The following GABRB3 variants were observed in gnomAD, a reference collection of about 807,000 sequenced individuals.
GABRB3 encodes the protein gamma-aminobutyric acid type A receptor subunit beta3.
A neutral mutation model predicts 52.1 loss-of-function variants in GABRB3; 14 were observed. The observed-to-expected ratio is 0.27, with a 90% CI of 0.18 to 0.42. The LOEUF (loss-of-function observed/expected upper bound fraction) is 0.42. Among genes scored for constraint, GABRB3 ranks in the 10% least tolerant of loss-of-function variants. The probability of loss-of-function intolerance (pLI) is 1.00; values close to 1 mark genes in which losing one functional copy is unlikely to be tolerated. For synonymous variants in GABRB3, 260 were observed against 232.3 expected (o/e 1.12, Z -1.08); for missense variants, 307 against 609.1 (o/e 0.50, Z 5.22).
chr15:26,671,506 G>A (rs749616313), intron 3 of GABRB3, among the ~76,000 whole-genome samples: 16 of 152,190 alleles, frequency 1.1e-4, no homozygotes, highest in African/African-American at 2.2e-4. Context: ...AGAATCTCTG[G>A]GTGAGGGCTT....
At chr15:26,677,965 T>C (rs910044434) in intron 3 of GABRB3, among the ~76,000 whole-genome samples, 1 of 152,198 alleles carries the variant, frequency 6.6e-6, no homozygotes, top group Admixed American at 6.5e-5. Context: ...ATTTTCCAAT[T>C]AGGCACTGGG....
intron 3 of GABRB3, among the ~76,000 whole-genome samples, chr15:26,729,046 T>A (rs929860142): frequency 6.6e-6 from 1 of 152,212 alleles, no homozygotes; most frequent in Non-Finnish European, 1.5e-5. Context: ...TAGTAACTTA[T>A]AAGAAAGATA....
At chr15:26,773,715 C>T, upstream of GABRB3, 1 of 1,568,658 alleles carries the variant, frequency 6.4e-7, no homozygotes, top group Non-Finnish European at 8.6e-7. Context: ...TCCAGGAGCC[C>T]GGAGCACATG....
chr15:26,666,933 G>A (rs1205793357), intron 3 of GABRB3, among the ~76,000 whole-genome samples: 1 of 152,092 alleles, frequency 6.6e-6, no homozygotes, highest in African/African-American at 2.4e-5. Context: ...ACTCATCTCT[G>A]CCTTCTTCCA....
At chr15:26,659,219 T>C (rs1430322657) in intron 3 of GABRB3, among the ~76,000 whole-genome samples, 3 of 152,192 alleles carry the variant, frequency 2.0e-5, no homozygotes, top group Admixed American at 6.5e-5. Flanking sequence ...ATGAAACCAA[T>C]AATTTATCTA....
intron 4 of GABRB3, among the ~76,000 whole-genome samples, chr15:26,608,363 A>C (rs1891922010): frequency 6.6e-6 from 1 of 152,046 alleles, no homozygotes; most frequent in Non-Finnish European, 1.5e-5. Flanking sequence ...ACTAAAAGAA[A>C]ACATAGGGGG....
At chr15:26,770,256 T>C (rs1362623837) in intron 3 of GABRB3, among the ~76,000 whole-genome samples, 1 of 152,180 alleles carries the variant, frequency 6.6e-6, no homozygotes, top group African/African-American at 2.4e-5. Flanking sequence ...CCTACTGGGA[T>C]CCTCAATATT....
chr15:26,571,602 T>C (rs1890399183), intron 6 of GABRB3, among the ~76,000 whole-genome samples: 2 of 152,146 alleles, frequency 1.3e-5, no homozygotes, highest in Non-Finnish European at 2.9e-5. Context: ...CACTATTGAC[T>C]GCCATGACTG....
intron 3 of GABRB3, among the ~76,000 whole-genome samples, chr15:26,756,134 T>C (rs561090106): frequency 3.9e-4 from 59 of 152,282 alleles, no homozygotes; most frequent in Middle Eastern, 6.8e-3. Context: ...TCACATATTA[T>C]AAAATTTTCT....
chr15:26,624,768 C>T (rs978533704), intron 3 of GABRB3: 20 of 985,390 alleles, frequency 2.0e-5, no homozygotes, highest in Non-Finnish European at 2.2e-5. Flanking sequence ...TACTTACTAG[C>T]TGGCAACAAA....
At chr15:26,722,433 G>A (rs1375745391) in intron 3 of GABRB3, among the ~76,000 whole-genome samples, 3 of 152,152 alleles carry the variant, frequency 2.0e-5, no homozygotes, top group Non-Finnish European at 2.9e-5. Flanking sequence ...GGGTCTTGGC[G>A]ACATAGGCAC....
chr15:26,601,725 G>C (rs1891595786), intron 4 of GABRB3, among the ~76,000 whole-genome samples: 1 of 152,050 alleles, frequency 6.6e-6, no homozygotes, highest in Admixed American at 6.5e-5. Context: ...GTATTTGCAA[G>C]CTTCATAGCA....
intron 3 of GABRB3, among the ~76,000 whole-genome samples, chr15:26,734,112 C>T (rs964994460): frequency 1.3e-5 from 2 of 148,174 alleles, no homozygotes; most frequent in Admixed American, 1.4e-4. Flanking sequence ...TCAACACAAC[C>T]TCCGCCTCCT....
chr15:26,640,122 C>G (rs1339237536), intron 3 of GABRB3, among the ~76,000 whole-genome samples: 1 of 152,188 alleles, frequency 6.6e-6, no homozygotes, highest in Admixed American at 6.5e-5. Context: ...TATTCATATT[C>G]AAATGAGCTC....
intron 6 of GABRB3, among the ~76,000 whole-genome samples, chr15:26,577,397 C>T (rs1159944063): frequency 3.9e-5 from 6 of 152,060 alleles, no homozygotes; most frequent in African/African-American, 1.4e-4. Flanking sequence ...CTTGCAATTC[C>T]AGCTACTAGG....
At chr15:26,569,380 C>G (rs1032445481) in intron 6 of GABRB3, 1 of 152,222 alleles carries the variant, frequency 6.6e-6, no homozygotes, top group African/African-American at 2.4e-5. Flanking sequence ...TAGAATTTCT[C>G]TTACACAGCT....
chr15:26,597,687 A>C (rs1891444753), intron 4 of GABRB3, among the ~76,000 whole-genome samples: 1 of 152,224 alleles, frequency 6.6e-6, no homozygotes. Context: ...AAACCTGCCT[A>C]CTGGCTCCAC....
intron 3 of GABRB3, among the ~76,000 whole-genome samples, chr15:26,668,469 C>T (rs539159855): frequency 6.6e-6 from 1 of 152,304 alleles, no homozygotes; most frequent in South Asian, 2.1e-4. Flanking sequence ...CACCAAGGCT[C>T]ACTCTTCTTT....
chr15:26,649,855 T>C (rs1887142733), intron 3 of GABRB3, among the ~76,000 whole-genome samples: 1 of 152,152 alleles, frequency 6.6e-6, no homozygotes, highest in Non-Finnish European at 1.5e-5. Context: ...TCATGAGTTT[T>C]TAATTTCAGT....
Sources: gnomAD v4.1 joint callset for allele counts (sites outside exome capture counted in the v4.1 genomes callset) on GRCh38, gnomAD v4.1.1 for gene constraint, MANE v1.5 for transcripts, NCBI Gene and HGNC (gene_info 2026-07-23, HGNC 2026-07-21) for gene names.